The following DHRS2 variants were observed in gnomAD, a reference collection of about 807,000 sequenced individuals.
The protein encoded by DHRS2 is dehydrogenase/reductase SDR family member 2, mitochondrial.
Under a neutral mutation model 26.3 loss-of-function variants are expected in DHRS2, and 29 were observed. The observed-to-expected ratio is 1.10, with a 90% CI of 0.82 to 1.50. The LOEUF (loss-of-function observed/expected upper bound fraction) is 1.50. Ranked by LOEUF, DHRS2 falls within the 40% of genes most tolerant of loss-of-function variation. The pLI is 0.00. For synonymous variants in DHRS2, 164 were observed against 151.3 expected (o/e 1.08, Z -0.62); for missense variants, 439 against 367.1 (o/e 1.20, Z -1.60).
At chr14:23,637,901 C>G (rs892334527) in intron 1 of DHRS2, 1 of 152,348 alleles carries the variant, frequency 6.6e-6, no homozygotes, top group East Asian at 1.9e-4. Flanking sequence ...GACCAATCAG[C>G]AGGATGTGGA....
intron 4 of DHRS2, chr14:23,640,588 C>G (rs962425092): frequency 7.5e-6 from 2 of 265,752 alleles, no homozygotes; most frequent in South Asian, 1.4e-4. Context: ...CAGAATGCGT[C>G]GTGATGAATC....
At chr14:23,644,579 G>T in intron 7 of DHRS2, 36 bp downstream of exon 7, 1 of 1,614,104 alleles carries the variant, frequency 6.2e-7, no homozygotes, top group East Asian at 2.2e-5. Flanking sequence ...TCCCAGTCTG[G>T]CTCAGTGGGA....
At chr14:23,636,927 C>G (rs544144420) in intron 1 of DHRS2, among the ~76,000 whole-genome samples, 155 bp downstream of exon 1, 5 of 152,304 alleles carry the variant, frequency 3.3e-5, no homozygotes, top group East Asian at 1.9e-4. Flanking sequence ...AAAGGGATCT[C>G]TAACAACCCC....
rs571220769 is a variant in DHRS2, at chr14:23,637,492, G to A, written c.-39+720G>A. On this transcript the variant is annotated intron_variant, in intron 1 of 8. Transcript: ENST00000250383. The stretch of plus-strand genomic sequence containing the variant: ...CCTATTCATATAAGTGAGGACAAAA[G>A]GTGTCACTTTTCCAACCCTGGAGAC... Among the ~76,000 whole-genome samples the A allele has an allele frequency of 3.9e-4, 59 of 152,270 alleles. 1 individual carries two copies. The South Asian group carries it at 0.011, about 28-fold the overall frequency.
At chr14:23,635,751 G>C (rs1260327296), upstream of DHRS2, among the ~76,000 whole-genome samples, 1 of 152,256 alleles carries the variant, frequency 6.6e-6, no homozygotes, top group Non-Finnish European at 1.5e-5. Context: ...CCCTCTCTGG[G>C]GCTGGCCAAG....
At chr14:23,645,096 G>GA (rs1890823487) in intron 8 of DHRS2, 46 bp from the exon 9 acceptor site, 1 of 1,611,210 alleles carries the variant, frequency 6.2e-7, no homozygotes. Context: ...CAGAGCAGCA[G>GA]AATCAGAGTA....
At chr14:23,635,132 A>G (rs945389849), upstream of DHRS2, among the ~76,000 whole-genome samples, 1 of 151,598 alleles carries the variant, frequency 6.6e-6, no homozygotes, top group African/African-American at 2.4e-5. Flanking sequence ...GTGCAATCTC[A>G]GCCTACCACA....
At chr14:23,641,110 A>G (rs957533567) in intron 4 of DHRS2, 5 of 154,214 alleles carry the variant, frequency 3.2e-5, no homozygotes, top group African/African-American at 1.2e-4. Flanking sequence ...GACAGAAATC[A>G]TTGATGACTC....
intron 4 of DHRS2, 102 bp from the exon 5 acceptor site, chr14:23,643,050 T>A (rs1337464503): frequency 8.1e-6 from 9 of 1,106,144 alleles, no homozygotes; most frequent in African/African-American, 1.5e-5. Flanking sequence ...GCACATACAT[T>A]GGGTCTACTG....
upstream of DHRS2, among the ~76,000 whole-genome samples, chr14:23,632,839 G>C (rs760881351): frequency 3.7e-4 from 57 of 152,200 alleles, no homozygotes; most frequent in Non-Finnish European, 7.3e-4. Flanking sequence ...CCTTGGCCCA[G>C]AGCTGCCAGA....
At chr14:23,641,701 C>A (rs1020850221) in intron 4 of DHRS2, 2 of 1,289,844 alleles carry the variant, frequency 1.6e-6, no homozygotes, top group African/African-American at 1.5e-5. Context: ...GACATCTGGA[C>A]CACTTCTTGC....
At position 23,644,825 on chromosome 14, in the gene DHRS2, A is replaced by C; in HGVS notation, c.676-2A>C. The C allele has an allele frequency of 6.2e-7, 1 of 1,614,182 alleles. No individual in the cohort carries two copies. Among genetic ancestry groups the C allele is most frequent in the East Asian group, 2.2e-5 (1 of 44,886 alleles). ...ACTCCTTCATTTCTTCCCTTTGCCC[A>C]GTTTCATGGGAATGAGTCTCTCTGG... On this transcript the variant is annotated splice_acceptor_variant, in intron 7 of 8. Coordinates refer to ENST00000250383, the MANE Select transcript of DHRS2 (RefSeq NM_005794.4). LOFTEE classifies it high-confidence loss of function.
In DHRS2 at chr14:23,645,211, C is replaced by G. The variant is rs202159329; in HGVS notation, c.801C>G (p.Asn267Lys). ...GCTCTCCAGATGCCAGCTACGTCAACGGGGAGAACATTGCGGTGGCAGGCT... is the reference window on the plus strand; with the variant it reads ...GCTCTCCAGATGCCAGCTACGTCAAGGGGGAGAACATTGCGGTGGCAGGCT... ...FLCSPDASYV[N>K]GENIAVAGYS... Residue 267 changes from asparagine to lysine, a missense_variant, in exon 9 of 9, where the codon AAC becomes AAG. Transcript: ENST00000250383. 5 of 1,614,004 alleles carry G rather than the reference C, an allele frequency of 3.1e-6. No individual in the cohort carries two copies. The South Asian group carries it at 5.5e-5, about 18-fold the overall frequency.
At chr14:23,644,287 G>C (rs949502835) in intron 6 of DHRS2, 122 bp from the exon 7 acceptor site, 28 of 1,557,096 alleles carry the variant, frequency 1.8e-5, no homozygotes, top group Non-Finnish European at 2.3e-5. Flanking sequence ...GCCCTGGGCT[G>C]AGCTTGTCTC....
rs1341301616 is a variant in DHRS2 at position 23,644,115 on chromosome 14, G to A, written c.493G>A (p.Gly165Ser). Residue 165 changes from glycine (G) to serine (S), a missense_variant, in exon 6 of 9, where the codon GGT becomes AGT. Gly to Ser is a moderately conservative substitution (Grantham distance 56). Transcript: ENST00000250383. ...QLLPYMENRR[G>S]AVILVSSIAA... Reference sequence around the variant, plus strand: ...CTTATGTTTGTCTTGTCTCAGGAGGGGTGCTGTCATCCTGGTCTCTTCCAT... The same window carrying A: ...CTTATGTTTGTCTTGTCTCAGGAGGAGTGCTGTCATCCTGGTCTCTTCCAT... 36 of 1,613,952 alleles carry A rather than the reference G, an allele frequency of 2.2e-5. No individual in the cohort carries two copies. Among genetic ancestry groups the A allele is most frequent in the Non-Finnish European group, 2.9e-5 (34 of 1,180,016 alleles).
chr14:23,644,641 A>G, intron 7 of DHRS2, 98 bp downstream of exon 7: 1 of 1,575,786 alleles, frequency 6.3e-7, no homozygotes, highest in Non-Finnish European at 8.7e-7. Context: ...TTAGGTCAGC[A>G]TGCCTATGAC....
At chr14:23,642,758 A>G (rs1347036284) in intron 4 of DHRS2, 1 of 179,812 alleles carries the variant, frequency 5.6e-6, no homozygotes, top group Non-Finnish European at 1.2e-5. Context: ...TGTAGAGACA[A>G]GGTCTCACTA....
At chr14:23,643,039 T>G (rs949802288) in intron 4 of DHRS2, 113 bp from the exon 5 acceptor site, 2 of 987,360 alleles carry the variant, frequency 2.0e-6, no homozygotes, top group Non-Finnish European at 3.2e-6. Flanking sequence ...TTCTCTTATA[T>G]GCACATACAT....
chr14:23,634,931 G>A (rs1890226247), upstream of DHRS2, among the ~76,000 whole-genome samples: 1 of 152,132 alleles, frequency 6.6e-6, no homozygotes, highest in Non-Finnish European at 1.5e-5. Context: ...AGCTGTGTAA[G>A]TTCTGCCTGC....
Sources: gnomAD v4.1 joint callset for allele counts (sites outside exome capture counted in the v4.1 genomes callset) on GRCh38, gnomAD v4.1.1 for gene constraint, MANE v1.5 for transcripts, NCBI Gene and HGNC (gene_info 2026-07-23, HGNC 2026-07-21) for gene names.